KIRREL3: variants seen among roughly 807,000 people sequenced by gnomAD.
The protein encoded by KIRREL3 is kirre like nephrin family adhesion molecule 3, also known as kin of IRRE-like protein 3.
KIRREL3 carries 36 observed loss-of-function variants against 89.7 expected under a neutral mutation model. The ratio of observed to expected loss-of-function variants is 0.40; its 90% CI spans 0.31 to 0.53. The LOEUF (loss-of-function observed/expected upper bound fraction) is 0.53, where lower values mean the gene tolerates loss of function less well. Among genes scored for constraint, KIRREL3 ranks in the 20% least tolerant of loss-of-function variants. The pLI is 0.49. For missense variants in KIRREL3, 864 were observed against 1,056.6 expected, an observed-to-expected ratio of 0.82 and a Z score of 2.53; for synonymous variants, 445 against 441.4, an observed-to-expected ratio of 1.01 and a Z score of -0.10.
intron 1 of KIRREL3, among the ~76,000 whole-genome samples, chr11:126,592,347 T>C (rs1942177309): frequency 6.6e-6 from 1 of 152,192 alleles, no homozygotes; most frequent in Non-Finnish European, 1.5e-5. Flanking sequence ...TCTGAATCCT[T>C]ATAACAACAC....
chr11:126,451,629 T>C (rs1472847576), intron 7 of KIRREL3, among the ~76,000 whole-genome samples: 1 of 151,538 alleles, frequency 6.6e-6, no homozygotes, highest in African/African-American at 2.4e-5. Flanking sequence ...TGTGTGTCCA[T>C]GTGCATGTGT....
Position 126,435,345 on chromosome 11 carries a change from T to C in KIRREL3, c.1553-42A>G, listed in dbSNP as rs1424431813. On this transcript the variant is annotated intron_variant, in intron 12 of 16. Coordinates refer to ENST00000525144, the MANE Select transcript of KIRREL3 (RefSeq NM_032531.4). ...CAAGCGTCTACAGCCAGGGCCTGGC[T>C]GGCCAGGGTGGGGTGGGACTGGGAA... The C allele has an allele frequency of 2.6e-6, 4 of 1,532,270 alleles. No individual in the cohort carries two copies. The African/African-American group carries it at 5.5e-5, about 21-fold the overall frequency. 94.9% of individuals were successfully genotyped at this position (1,532,270 alleles called of 1,614,324 possible). A position where few individuals can be genotyped will look rare whatever the true frequency, so the allele number is the denominator to read the frequency against.
In KIRREL3 at chr11:126,729,785, T is replaced by C. The variant is rs986836176; in HGVS notation, c.56-166873A>G. On this transcript the variant is annotated intron_variant, in intron 1 of 16. Transcript: ENST00000525144. The surrounding 1 kb of genome is among the most constrained non-coding windows in gnomAD (Gnocchi z 4.5). The stretch of plus-strand genomic sequence containing the variant: ...GAGGTTTCTGTGTCCAGAAGCACAA[T>C]GGAGGGAGCCCCTGATCATAATCAC... Among the ~76,000 whole-genome samples, 2 of 152,182 alleles carry C rather than the reference T, an allele frequency of 1.3e-5. No homozygotes were observed. Among genetic ancestry groups the C allele is most frequent in the African/African-American group, 4.8e-5 (2 of 41,434 alleles).
rs745805898 is a variant in KIRREL3, at chr11:126,456,039, GTTT to G, written c.848+307_848+309del. On this transcript the variant is annotated intron_variant, in intron 7 of 16. Coordinates refer to ENST00000525144, the MANE Select transcript of KIRREL3 (RefSeq NM_032531.4). ...GTTGTTCTGGTTTTTTTTTGTTTTC[GTTT>G]TTTTTTTTTTTTTTTCCTGAGCCTT... 2.5e-3 allele frequency among the ~76,000 whole-genome samples: 174 copies of G among 68,314 alleles called. 1 individual carries two copies. In the South Asian group the frequency reaches 0.029, roughly 11 times the overall value. The allele number at this position is 68,314 out of a possible 152,430, so 44.8% of individuals were successfully genotyped here.
intron 1 of KIRREL3, among the ~76,000 whole-genome samples, chr11:126,887,101 C>T (rs1945726993): frequency 6.6e-6 from 1 of 152,124 alleles, no homozygotes; most frequent in Non-Finnish European, 1.5e-5. Context: ...AGGGGGACAG[C>T]AGGAAGGTGC....
At position 126,580,951 on chromosome 11, in the gene KIRREL3, G is replaced by A. The variant is rs551762862; in HGVS notation, c.56-18039C>T. The stretch of plus-strand genomic sequence containing the variant: ...CTTCATAAAGAAATGACTCTTTTGT[G>A]CAGATCCACTGCCTATGGTGAAGTA... On this transcript the variant is annotated intron_variant, in intron 1 of 16. Coordinates refer to ENST00000525144, the MANE Select transcript of KIRREL3 (RefSeq NM_032531.4). Among the ~76,000 whole-genome samples, 5 of 150,024 alleles carry A rather than the reference G, an allele frequency of 3.3e-5. No homozygotes were observed. In the South Asian group the frequency reaches 1.1e-3, roughly 32 times the overall value.
chr11:126,484,304 A>G lies in KIRREL3; in HGVS notation c.434-10838T>C, dbSNP rs1591616442. ...CTTTGCCTGTCTCCCATTGCCTAGT[A>G]TGTTACCTTGGATGCAGTCATAAAA... On this transcript the variant is annotated intron_variant, in intron 4 of 16. Coordinates refer to ENST00000525144, the MANE Select transcript of KIRREL3 (RefSeq NM_032531.4). This position sits in a 1 kb window ranked among gnomAD's most constrained non-coding sequence, Gnocchi z 5.2. Among the ~76,000 whole-genome samples, 2 of 152,254 alleles carry G rather than the reference A, an allele frequency of 1.3e-5. No individual in the cohort carries two copies. Among genetic ancestry groups the G allele is most frequent in the Admixed American group, 6.5e-5 (1 of 15,294 alleles).
chr11:126,929,510 C>T lies in KIRREL3; in HGVS notation c.55+70945G>A, dbSNP rs1485291674. Among the ~76,000 whole-genome samples, 7 of 151,946 alleles carry T rather than the reference C, an allele frequency of 4.6e-5. No homozygotes were observed. In the South Asian group the frequency reaches 6.2e-4, roughly 14 times the overall value. On this transcript the variant is annotated intron_variant, in intron 1 of 16. Transcript: ENST00000525144. Reference sequence around the variant, plus strand: ...CTTGCCTAAAAAGATCGAAACAAAACCTAAGAAGCAGAAAACAAATAAAAA... The same window carrying T: ...CTTGCCTAAAAAGATCGAAACAAAATCTAAGAAGCAGAAAACAAATAAAAA...
rs930008648 is a variant in KIRREL3 at position 126,943,982 on chromosome 11, ACCTTCCCCTCG to A, written c.55+56462_55+56472del. Among the ~76,000 whole-genome samples the A allele has an allele frequency of 4.6e-5, 7 of 152,180 alleles. No homozygotes were observed. Among genetic ancestry groups the A allele is most frequent in the Non-Finnish European group, 1.0e-4 (7 of 68,018 alleles). ...CAGCAGAGGCAGGAAGTTTGCTCTCACCTTCCCCTCGCCTTTCTCCCCTGAAGCAGGTGGTA... is the reference window on the plus strand; with the variant it reads ...CAGCAGAGGCAGGAAGTTTGCTCTCACCTTTCTCCCCTGAAGCAGGTGGTA... On this transcript the variant is annotated intron_variant, in intron 1 of 16. Coordinates refer to ENST00000525144, the MANE Select transcript of KIRREL3 (RefSeq NM_032531.4). The surrounding 1 kb of genome is among the most constrained non-coding windows in gnomAD (Gnocchi z 4.2).
intron 1 of KIRREL3, among the ~76,000 whole-genome samples, chr11:126,690,453 C>T (rs554660487): frequency 6.6e-6 from 1 of 151,254 alleles, no homozygotes; most frequent in Non-Finnish European, 1.5e-5. Flanking sequence ...GATGGGAAGT[C>T]ACCTCCCTTC....
At chr11:126,497,099 AGCCTGCTTGGC>A (rs1336800796) in intron 4 of KIRREL3, among the ~76,000 whole-genome samples, 2 of 151,336 alleles carry the variant, frequency 1.3e-5, no homozygotes, top group Non-Finnish European at 2.9e-5. Context: ...CTGGGCTTAA[AGCCTGCTTGGC>A]TGTGTGTGTG....
At chr11:126,935,680 A>G (rs1948155934) in intron 1 of KIRREL3, 1 of 152,236 alleles carries the variant, frequency 6.6e-6, no homozygotes, top group South Asian at 2.1e-4. Flanking sequence ...GGAAAAGACA[A>G]CATTATAGAA....
intron 1 of KIRREL3, among the ~76,000 whole-genome samples, chr11:126,619,041 A>T (rs1008421918): frequency 9.9e-5 from 15 of 152,182 alleles, no homozygotes; most frequent in Admixed American, 6.5e-5. Flanking sequence ...TTGAAAACAA[A>T]GTAAATAACA....
Position 126,424,393 on chromosome 11 carries a change from C to A in KIRREL3, c.*187G>T. On this transcript the variant is annotated 3_prime_UTR_variant, in exon 17 of 17. Coordinates refer to ENST00000525144, the MANE Select transcript of KIRREL3 (RefSeq NM_032531.4). ...TCTCCCCACCCGCCCACCTCTGGCA[C>A]ACAGCACCTGGGGACCCAGATTTGT... 1 of 528,596 alleles carries A rather than the reference C, an allele frequency of 1.9e-6. No individual in the cohort carries two copies. Among genetic ancestry groups the A allele is most frequent in the Middle Eastern group, 5.5e-4 (1 of 1,808 alleles). The allele number at this position is 528,596 out of a possible 1,614,324, so 32.7% of individuals were successfully genotyped here.
Position 126,995,722 on chromosome 11 carries a change from T to C in KIRREL3, c.55+4733A>G, listed in dbSNP as rs1950163284. On this transcript the variant is annotated intron_variant, in intron 1 of 16. Transcript: ENST00000525144. The surrounding 1 kb of genome is among the most constrained non-coding windows in gnomAD (Gnocchi z 6.5). ...ATTAGTATTGTTATTATTTTGCTATTGAAATCTCTTCAATTCGCTCTGGAT... is the reference window on the plus strand; with the variant it reads ...ATTAGTATTGTTATTATTTTGCTATCGAAATCTCTTCAATTCGCTCTGGAT... 6.6e-6 allele frequency among the ~76,000 whole-genome samples: 1 copy of C among 152,228 alleles called. No individual in the cohort carries two copies.
At chr11:126,445,424 G>T (rs1481203350) in intron 9 of KIRREL3, among the ~76,000 whole-genome samples, 3 of 152,202 alleles carry the variant, frequency 2.0e-5, no homozygotes, top group Non-Finnish European at 2.9e-5. Flanking sequence ...GGACTTCCAG[G>T]TTTCCTCCTA....
chr11:126,446,759 C>T lies in KIRREL3; in HGVS notation c.1125G>A (p.Val375=), dbSNP rs1234078398. The T allele has an allele frequency of 3.8e-6, 6 of 1,598,564 alleles. No homozygotes were observed. The highest frequency in any genetic ancestry group is 1.7e-4 in the Middle Eastern group (1 of 6,056). ...TIVWMKRGSG[V]VLSNEKTLTL... ...CCCGAGGTCTGAGCTGCAGCCTCAC[C>T]ACTCCGGAGCCCCGCTTCATCCAGA... is the stretch of plus-strand genomic sequence containing the variant. The change falls in exon 9 of 17, where the codon GTG becomes GTA. Residue 375 remains valine, a splice_region_variant and synonymous_variant. Coordinates refer to ENST00000525144, the MANE Select transcript of KIRREL3 (RefSeq NM_032531.4).
intron 1 of KIRREL3, among the ~76,000 whole-genome samples, chr11:126,630,033 A>G (rs1404894251): frequency 6.6e-6 from 1 of 152,124 alleles, no homozygotes; most frequent in Non-Finnish European, 1.5e-5. Flanking sequence ...GTTCCTTCGC[A>G]CCAGACACAT....
chr11:126,739,187 T>C lies in KIRREL3; in HGVS notation c.56-176275A>G, dbSNP rs1239268472. On this transcript the variant is annotated intron_variant, in intron 1 of 16. Coordinates refer to ENST00000525144, the MANE Select transcript of KIRREL3 (RefSeq NM_032531.4). The surrounding 1 kb of genome is among the most constrained non-coding windows in gnomAD (Gnocchi z 5.5). ...AAACCCTTCCACCCGTTCCGTGCTA[T>C]TGTTGGAGATGTGAATTCCACTGAT... Among the ~76,000 whole-genome samples the C allele has an allele frequency of 6.7e-6, 1 of 148,706 alleles. No homozygotes were observed. The highest frequency in any genetic ancestry group is 1.9e-4 in the East Asian group (1 of 5,194).
Sources: gnomAD v4.1 joint callset for allele counts (sites outside exome capture counted in the v4.1 genomes callset) on GRCh38, gnomAD v4.1.1 for gene constraint, Gnocchi (gnomAD v3.1) non-coding constraint, MANE v1.5 for transcripts, NCBI Gene and HGNC (gene_info 2026-07-23, HGNC 2026-07-21) for gene names.